The following TMEM135 variants were observed in gnomAD, a reference collection of about 807,000 sequenced individuals.
The protein encoded by TMEM135 is peroxisomal membrane protein 52.
In TMEM135, 30 loss-of-function variants were observed where a neutral mutation model predicts 60.3. That is an observed-to-expected ratio of 0.50 (90% confidence interval 0.37 to 0.68). The LOEUF (loss-of-function observed/expected upper bound fraction) is 0.68, where lower values mean the gene tolerates loss of function less well. Among genes scored for constraint, TMEM135 ranks in the 30% least tolerant of loss-of-function variants. The pLI is 0.00. For synonymous variants in TMEM135, 190 were observed against 186.7 expected, an observed-to-expected ratio of 1.02 and a Z score of -0.14; for missense variants, 468 against 548.8, an observed-to-expected ratio of 0.85 and a Z score of 1.47.
At chr11:87,233,199 A>G (rs1188292744) in intron 5 of TMEM135, among the ~76,000 whole-genome samples, 1 of 151,968 alleles carries the variant, frequency 6.6e-6, no homozygotes, top group Non-Finnish European at 1.5e-5. Flanking sequence ...AAAAGGGGCA[A>G]AAAGGAGGGG....
At chr11:87,106,242 T>C (rs1452150339) in intron 4 of TMEM135, among the ~76,000 whole-genome samples, 2 of 152,000 alleles carry the variant, frequency 1.3e-5, no homozygotes, top group African/African-American at 4.8e-5. Flanking sequence ...TAGCTGGGAA[T>C]AGAGGTGCCT....
chr11:87,296,514 T>C (rs1323315390), intron 7 of TMEM135, among the ~76,000 whole-genome samples: 2 of 152,176 alleles, frequency 1.3e-5, no homozygotes, highest in African/African-American at 4.8e-5. Context: ...TGTTTTGTAA[T>C]CCAAAGGACA....
intron 5 of TMEM135, among the ~76,000 whole-genome samples, chr11:87,233,580 A>C (rs940400656): frequency 1.3e-5 from 2 of 152,124 alleles, no homozygotes; most frequent in Non-Finnish European, 2.9e-5. Flanking sequence ...GTACACTTTA[A>C]ATATGTACAA....
rs534480956 is a variant in TMEM135 at position 87,116,928 on chromosome 11, T to TTC, written c.396+25536_396+25537dup. 1.3e-3 allele frequency among the ~76,000 whole-genome samples: 199 copies of TTC among 152,166 alleles called. 2 individuals are homozygous for TTC. The highest frequency in any genetic ancestry group is 4.6e-3 in the African/African-American group (192 of 41,518). ...ACCTCCGCCTTTTGGGTTCAAATGA[T>TTC]TCTCCTGCCTCAGCCTCCTGAGTAG... On this transcript the variant is annotated intron_variant, in intron 4 of 14. Transcript: ENST00000305494.
At position 87,324,427 on chromosome 11, in the gene TMEM135, T is replaced by A. The variant is rs1410247794; in HGVS notation, c.*3094T>A. On this transcript the variant is annotated 3_prime_UTR_variant, in exon 15 of 15. Transcript: ENST00000305494. ...TCCTTAAATTCTCCGTGTGATTTATTTTTTTATTTTTTGAGTTGAGGTCTA... is the reference window on the plus strand; with the variant it reads ...TCCTTAAATTCTCCGTGTGATTTATATTTTTATTTTTTGAGTTGAGGTCTA... The A allele has an allele frequency of 2.2e-6, 1 of 453,840 alleles. No homozygotes were observed. The highest frequency in any genetic ancestry group is 4.4e-6 in the Non-Finnish European group (1 of 226,760). The allele number at this position is 453,840 out of a possible 1,614,324, so 28.1% of individuals were successfully genotyped here. A position where few individuals can be genotyped will look rare whatever the true frequency, so the allele number is the denominator to read the frequency against.
chr11:87,168,734 C>G (rs1416289852), intron 5 of TMEM135, among the ~76,000 whole-genome samples: 4 of 152,070 alleles, frequency 2.6e-5, no homozygotes, highest in Non-Finnish European at 5.9e-5. Context: ...ATTATCTGGT[C>G]AATTTTAGAA....
chr11:87,222,273 G>C (rs1940641945), intron 5 of TMEM135, among the ~76,000 whole-genome samples: 1 of 151,112 alleles, frequency 6.6e-6, no homozygotes, highest in Non-Finnish European at 1.5e-5. Flanking sequence ...GAGGCAGGCA[G>C]ATCACGAGGT....
intron 1 of TMEM135, among the ~76,000 whole-genome samples, chr11:87,043,290 A>G (rs1413445107): frequency 6.6e-6 from 1 of 151,954 alleles, no homozygotes; most frequent in Non-Finnish European, 1.5e-5. Context: ...AGATTCTTAC[A>G]TATTTTGTGA....
chr11:87,292,761 T>C (rs1214705505), intron 6 of TMEM135, among the ~76,000 whole-genome samples: 4 of 152,226 alleles, frequency 2.6e-5, no homozygotes, highest in African/African-American at 4.8e-5. Context: ...ATAGCCTCTT[T>C]TGAATCCATG....
At chr11:87,125,768 GCAGTTTTAGAAGATGGGGGT>G (rs1430774762) in intron 4 of TMEM135, among the ~76,000 whole-genome samples, 1 of 152,154 alleles carries the variant, frequency 6.6e-6, no homozygotes, top group Admixed American at 6.5e-5. Context: ...GGGATGGACA[GCAGTTTTAGAAGATGGGGGT>G]CAGTTCTCAG....
intron 5 of TMEM135, among the ~76,000 whole-genome samples, chr11:87,233,380 G>A (rs1458748856): frequency 6.6e-6 from 1 of 152,044 alleles, no homozygotes; most frequent in East Asian, 1.9e-4. Flanking sequence ...TACAAGCAAT[G>A]CACTTCAAAT....
chr11:87,042,550 C>G (rs1274622990), intron 1 of TMEM135, among the ~76,000 whole-genome samples: 2 of 152,102 alleles, frequency 1.3e-5, no homozygotes, highest in Non-Finnish European at 2.9e-5. Flanking sequence ...GACAGGAGAG[C>G]AGGAGAAGGT....
intron 6 of TMEM135, among the ~76,000 whole-genome samples, chr11:87,278,652 G>T (rs1289503737): frequency 6.6e-6 from 1 of 152,098 alleles, no homozygotes; most frequent in Admixed American, 6.6e-5. Flanking sequence ...GGGATTACAG[G>T]CATGAACCAC....
chr11:87,312,254 A>G (rs924345029), intron 10 of TMEM135, among the ~76,000 whole-genome samples: 6 of 128,068 alleles, frequency 4.7e-5, no homozygotes, highest in Non-Finnish European at 6.7e-5. Flanking sequence ...TTGCCTTATT[A>G]TTTGTACTTG....
intron 6 of TMEM135, among the ~76,000 whole-genome samples, chr11:87,237,797 C>G (rs1175253435): frequency 6.6e-6 from 1 of 151,732 alleles, no homozygotes; most frequent in African/African-American, 2.4e-5. Context: ...GTTAATCACC[C>G]CCACCTCCCC....
At chr11:87,161,285 A>G (rs1051130143) in intron 5 of TMEM135, among the ~76,000 whole-genome samples, 1 of 152,182 alleles carries the variant, frequency 6.6e-6, no homozygotes, top group Non-Finnish European at 1.5e-5. Flanking sequence ...TGCAGATTCA[A>G]TAATCAGTAG....
At chr11:87,200,898 C>A (rs1940079460) in intron 5 of TMEM135, among the ~76,000 whole-genome samples, 1 of 152,158 alleles carries the variant, frequency 6.6e-6, no homozygotes, top group Non-Finnish European at 1.5e-5. Context: ...TGGCTTCTTT[C>A]ACTTTAATAT....
In TMEM135 at chr11:87,322,671, A is replaced by AT; in HGVS notation, c.*1340dup. 1 of 454,000 alleles carries AT rather than the reference A, an allele frequency of 2.2e-6. No homozygotes were observed. Among genetic ancestry groups the AT allele is most frequent in the South Asian group, 1.6e-5 (1 of 64,468 alleles). 28.1% of individuals were successfully genotyped at this position (454,000 alleles called of 1,614,324 possible). ...CAGTAGAACTTGTGTTGCAAAAGGA[A>AT]TTATAACCCATACTTTAAAAATGCT... On this transcript the variant is annotated 3_prime_UTR_variant, in exon 15 of 15. Transcript: ENST00000305494.
At chr11:87,186,313 T>C (rs972808206) in intron 5 of TMEM135, among the ~76,000 whole-genome samples, 1 of 152,194 alleles carries the variant, frequency 6.6e-6, no homozygotes, top group Non-Finnish European at 1.5e-5. Flanking sequence ...TCTGGTAAGA[T>C]AAGAAGTTCT....
Sources: gnomAD v4.1 joint callset for allele counts (sites outside exome capture counted in the v4.1 genomes callset) on GRCh38, gnomAD v4.1.1 for gene constraint, MANE v1.5 for transcripts, NCBI Gene and HGNC (gene_info 2026-07-23, HGNC 2026-07-21) for gene names.